Variants in INSR observed in about 807,000 individuals in gnomAD.
INSR encodes the protein IR.
In INSR, 67 loss-of-function variants were observed where a neutral mutation model predicts 142.6. The observed-to-expected ratio is 0.47, with a 90% confidence interval of 0.39 to 0.58. The LOEUF (loss-of-function observed/expected upper bound fraction) is 0.58. INSR is among the 20% of genes least tolerant of loss of function. INSR has a pLI of 0.00. For synonymous variants in INSR, 756 were observed against 743.1 expected, an observed-to-expected ratio of 1.02 and a Z score of -0.28; for missense variants, 1,248 against 1,833.2, an observed-to-expected ratio of 0.68 and a Z score of 5.83.
chr19:7,233,425 C>G (rs1976054914), intron 2 of INSR, among the ~76,000 whole-genome samples: 1 of 152,158 alleles, frequency 6.6e-6, no homozygotes. Context: ...GCTGTGTGGC[C>G]TGGCATGTGC....
At chr19:7,153,054 CACA>C (rs1568449170) in intron 9 of INSR, 127 bp from the exon 10 acceptor site, 33 of 214,996 alleles carry the variant, frequency 1.5e-4, no homozygotes, top group Admixed American at 4.4e-4. Flanking sequence ...CACACCCCCC[CACA>C]CACACACACC....
At chr19:7,214,327 T>C (rs905129197) in intron 2 of INSR, among the ~76,000 whole-genome samples, 2 of 152,190 alleles carry the variant, frequency 1.3e-5, no homozygotes, top group Admixed American at 1.3e-4. Flanking sequence ...CATAAACATT[T>C]GCTGAACAAA....
chr19:7,160,775 A>G (rs986754989), intron 9 of INSR, among the ~76,000 whole-genome samples: 8 of 152,166 alleles, frequency 5.3e-5, no homozygotes, highest in Admixed American at 4.6e-4. Context: ...AGACGGGTGG[A>G]TCATTTGAGG....
rs1242046404 is a variant in INSR, at chr19:7,278,596, C to T, written c.101-10700G>A. Among the ~76,000 whole-genome samples, 4 of 152,334 alleles carry T rather than the reference C, an allele frequency of 2.6e-5. No individual in the cohort carries two copies. In the South Asian group the frequency reaches 8.3e-4, roughly 32 times the overall value. ...CACACAGGCTGGGCACAGTGGCTCA[C>T]GCCTGTAATCCCAGCACTTTGGGAG... On this transcript the variant is annotated intron_variant, in intron 1 of 21. Transcript: ENST00000302850.
chr19:7,289,489 T>G (rs1259471717), intron 1 of INSR, among the ~76,000 whole-genome samples: 1 of 147,834 alleles, frequency 6.8e-6, no homozygotes, highest in African/African-American at 2.5e-5. Context: ...CACTGCAAGC[T>G]CTGCCTCCCA....
In INSR at chr19:7,278,573, C is replaced by T. The variant is rs75855263; in HGVS notation, c.101-10677G>A. Among the ~76,000 whole-genome samples, 2,375 of 152,310 alleles carry T rather than the reference C, an allele frequency of 0.016. 102 individuals carry two copies. In the East Asian group the frequency reaches 0.17, roughly 11 times the overall value. Reference sequence around the variant, plus strand: ...CCACAGGGTAACCAAAAGAGAGCCACACAGGCTGGGCACAGTGGCTCACGC... The same window carrying T: ...CCACAGGGTAACCAAAAGAGAGCCATACAGGCTGGGCACAGTGGCTCACGC... On this transcript the variant is annotated intron_variant, in intron 1 of 21. Coordinates refer to ENST00000302850, the MANE Select transcript of INSR (RefSeq NM_000208.4).
chr19:7,124,676 C>T (rs1184353838), intron 17 of INSR, among the ~76,000 whole-genome samples: 2 of 126,510 alleles, frequency 1.6e-5, no homozygotes, highest in Non-Finnish European at 1.6e-5. Flanking sequence ...AGTCTGTCTC[C>T]GCCTGCTGTT....
chr19:7,199,904 G>A (rs1974905900), intron 2 of INSR, among the ~76,000 whole-genome samples: 1 of 152,096 alleles, frequency 6.6e-6, no homozygotes, highest in African/African-American at 2.4e-5. Context: ...CACACAGTAG[G>A]TGCATAATAA....
Position 7,267,333 on chromosome 19 carries a change from TC to T in INSR, c.652+11del, listed in dbSNP as rs1366603676. On this transcript the variant is annotated intron_variant, in intron 2 of 21. Coordinates refer to ENST00000302850, the MANE Select transcript of INSR (RefSeq NM_000208.4). This position sits in a 1 kb window ranked among gnomAD's most constrained non-coding sequence, Gnocchi z 6.3. ...ACGAGACACTGCTTAGAACCCTGTA[TC>T]CCCGGCGTACCTTTCTGGCAGTGAC... The T allele has an allele frequency of 6.2e-7, 1 of 1,613,750 alleles. No homozygotes were observed. The highest frequency in any genetic ancestry group is 8.5e-7 in the Non-Finnish European group (1 of 1,179,794).
At chr19:7,274,669 G>A (rs935847739) in intron 1 of INSR, among the ~76,000 whole-genome samples, 3 of 151,672 alleles carry the variant, frequency 2.0e-5, no homozygotes, top group African/African-American at 7.3e-5. Context: ...TGGGCATGGT[G>A]GCAGGTGCCT....
chr19:7,259,573 C>T (rs1379560354), intron 2 of INSR, among the ~76,000 whole-genome samples: 3 of 152,132 alleles, frequency 2.0e-5, no homozygotes, highest in Non-Finnish European at 4.4e-5. Context: ...AATCCCAGCA[C>T]TTTGGTAGGC....
intron 2 of INSR, among the ~76,000 whole-genome samples, chr19:7,255,843 T>A (rs1600099198): frequency 6.6e-6 from 1 of 152,148 alleles, no homozygotes; most frequent in East Asian, 1.9e-4. Context: ...CCTCCCAAAG[T>A]GCTGGGTTTA....
At chr19:7,140,591 T>G (rs1290952241) in intron 13 of INSR, among the ~76,000 whole-genome samples, 1 of 152,172 alleles carries the variant, frequency 6.6e-6, no homozygotes, top group African/African-American at 2.4e-5. Context: ...GAAGCCTCAG[T>G]ACCCAGCTCA....
At chr19:7,256,893 C>T (rs1010604012) in intron 2 of INSR, among the ~76,000 whole-genome samples, 3 of 144,328 alleles carry the variant, frequency 2.1e-5, no homozygotes, top group African/African-American at 5.1e-5. Flanking sequence ...ATGAGAGATT[C>T]AAGTGGGCCA....
intron 1 of INSR, among the ~76,000 whole-genome samples, chr19:7,273,557 T>C (rs1414353847): frequency 6.6e-6 from 1 of 151,702 alleles, no homozygotes; most frequent in East Asian, 1.9e-4. Flanking sequence ...CTTACTCTGT[T>C]GCCCAGGCTG....
Position 7,152,405 on chromosome 19 carries a change from G to GAA in INSR, c.2231+319_2231+320dup, listed in dbSNP as rs77282303. On this transcript the variant is annotated intron_variant, in intron 10 of 21. Transcript: ENST00000302850. ...AAAAAAAAAAAAAAAGAGAGAGAGA[G>GAA]AAAAAAAAAAATGTTAATCGTCTAA... The GAA allele has an allele frequency of 4.2e-3, 1,426 of 339,040 alleles. 21 individuals are homozygous for GAA. Among genetic ancestry groups the GAA allele is most frequent in the African/African-American group, 0.032 (1,298 of 40,914 alleles). The allele number at this position is 339,040 out of a possible 1,614,324, so 21.0% of individuals were successfully genotyped here.
intron 2 of INSR, among the ~76,000 whole-genome samples, chr19:7,253,756 T>G (rs1976805199): frequency 6.6e-6 from 1 of 151,822 alleles, no homozygotes. Context: ...GGGCCGAGTG[T>G]GGTGGCTCAC....
In INSR at chr19:7,184,657, GA is replaced by G; in HGVS notation, c.653-21del. On this transcript the variant is annotated intron_variant, in intron 2 of 21. Coordinates refer to ENST00000302850, the MANE Select transcript of INSR (RefSeq NM_000208.4). ...GGCAAACTGGAGAGAGAGAGAGAGA[GA>G]GAGGGAAATAAATAAATAAATAAAT... is the stretch of plus-strand genomic sequence containing the variant. 4.2e-6 allele frequency: 6 copies of G among 1,433,556 alleles called. No individual in the cohort carries two copies. Among genetic ancestry groups the G allele is most frequent in the Non-Finnish European group, 5.7e-6 (6 of 1,047,240 alleles). 88.8% of individuals were successfully genotyped at this position (1,433,556 alleles called of 1,614,324 possible).
intron 1 of INSR, among the ~76,000 whole-genome samples, chr19:7,284,213 C>T (rs555767969): frequency 2.6e-5 from 4 of 151,960 alleles, no homozygotes; most frequent in South Asian, 4.2e-4. Flanking sequence ...TACAGGTGTG[C>T]GCCATCACGC....
Sources: gnomAD v4.1 joint callset for allele counts (sites outside exome capture counted in the v4.1 genomes callset) on GRCh38, gnomAD v4.1.1 for gene constraint, Gnocchi (gnomAD v3.1) non-coding constraint, MANE v1.5 for transcripts, NCBI Gene and HGNC (gene_info 2026-07-23, HGNC 2026-07-21) for gene names.